The following FRAS1 variants were observed in gnomAD, a reference collection of about 807,000 sequenced individuals.
FRAS1 encodes the protein Fraser extracellular matrix complex subunit 1.
FRAS1 carries 290 observed loss-of-function variants against 435.2 expected under a neutral mutation model. The observed-to-expected ratio is 0.67, with a 90% confidence interval of 0.61 to 0.73. The LOEUF is 0.73. Ranked by LOEUF, FRAS1 falls within the 30% of genes least tolerant of loss-of-function variation. The probability of loss-of-function intolerance (pLI) is 0.00; values close to 1 mark genes in which losing one functional copy is unlikely to be tolerated. For missense variants in FRAS1, 4,860 were observed against 5,001.5 expected (o/e 0.97, Z 0.85); for synonymous variants, 1,800 against 1,851.0 (o/e 0.97, Z 0.71).
rs781740675 is a variant in FRAS1 at position 78,448,116 on chromosome 4, G to A, written c.6074G>A (p.Gly2025Asp). 3 of 1,613,420 alleles carry A rather than the reference G, an allele frequency of 1.9e-6. No individual in the cohort carries two copies. Among genetic ancestry groups the A allele is most frequent in the Admixed American group, 1.7e-5 (1 of 59,922 alleles). ...GAGAATGGGAGAGTTTTAGTCCAGG[G>A]CTCAACCTTCACCTACCAGGATATC... The part of the protein sequence containing the change: ...PLENGRVLVQ[G>D]STFTYQDILA... Residue 2025 changes from glycine to aspartate, a missense_variant, in exon 44 of 74, where the codon GGC becomes GAC. By Grantham distance (94) the Gly-to-Asp change is moderately conservative (BLOSUM62 -1). Coordinates refer to ENST00000512123, the MANE Select transcript of FRAS1 (RefSeq NM_025074.7).
chr4:78,367,961 T>C (rs991090493), intron 22 of FRAS1, among the ~76,000 whole-genome samples: 3 of 152,244 alleles, frequency 2.0e-5, no homozygotes, highest in African/African-American at 7.2e-5. Context: ...GATACTCTGC[T>C]GTGGACCTAT....
At chr4:78,367,878 A>T (rs1464510815) in intron 22 of FRAS1, among the ~76,000 whole-genome samples, 1 of 152,172 alleles carries the variant, frequency 6.6e-6, no homozygotes, top group Non-Finnish European at 1.5e-5. Context: ...TATTATTGAC[A>T]TGGTTTCTTT....
intron 2 of FRAS1, among the ~76,000 whole-genome samples, chr4:78,169,069 A>C (rs17003008): frequency 0.084 from 12,751 of 152,116 alleles, 677 homozygotes; most frequent in African/African-American, 0.13. Context: ...TTAAGACTCC[A>C]ACCAGCCGAA....
chr4:78,428,386 A>G (rs1046559765), intron 35 of FRAS1, among the ~76,000 whole-genome samples: 15 of 151,980 alleles, frequency 9.9e-5, no homozygotes, highest in South Asian at 2.1e-4. Flanking sequence ...GCAGTGGTGC[A>G]ATCTCGGCTC....
At chr4:78,072,406 C>T (rs761416630) in intron 2 of FRAS1, among the ~76,000 whole-genome samples, 91 of 152,162 alleles carry the variant, frequency 6.0e-4, no homozygotes, top group Admixed American at 1.5e-3. Flanking sequence ...TATTCATCAA[C>T]GTGCTCAAGA....
chr4:78,210,407 T>A (rs887962642), intron 2 of FRAS1, among the ~76,000 whole-genome samples: 12 of 152,236 alleles, frequency 7.9e-5, no homozygotes, highest in Non-Finnish European at 1.6e-4. Context: ...CCCAACAGAC[T>A]CTATCAGGCC....
chr4:78,090,593 G>A (rs1422938452), intron 2 of FRAS1, among the ~76,000 whole-genome samples: 1 of 152,056 alleles, frequency 6.6e-6, no homozygotes, highest in African/African-American at 2.4e-5. Context: ...TGCTGTTCCC[G>A]AGGCCCCCAA....
intron 3 of FRAS1, among the ~76,000 whole-genome samples, chr4:78,239,643 T>C (rs1315502421): frequency 1.3e-5 from 2 of 152,186 alleles, no homozygotes; most frequent in African/African-American, 2.4e-5. Context: ...AATATTCTAC[T>C]GTTTTCTCCC....
At chr4:78,200,803 A>G (rs996304924) in intron 2 of FRAS1, among the ~76,000 whole-genome samples, 6 of 149,158 alleles carry the variant, frequency 4.0e-5, no homozygotes, top group African/African-American at 7.5e-5. Context: ...CTGTACTTCA[A>G]GGGGAGATGC....
intron 54 of FRAS1, among the ~76,000 whole-genome samples, chr4:78,476,889 C>A (rs1003143333): frequency 1.3e-5 from 2 of 151,572 alleles, no homozygotes; most frequent in African/African-American, 4.8e-5. Context: ...CAGTTATCTC[C>A]GTTTACACAA....
intron 2 of FRAS1, among the ~76,000 whole-genome samples, chr4:78,200,916 T>C (rs1022057785): frequency 1.4e-5 from 2 of 147,968 alleles, no homozygotes; most frequent in African/African-American, 4.9e-5. Context: ...TATATATATA[T>C]ATGTTAAATA....
chr4:78,541,157 T>A lies in FRAS1; in HGVS notation c.*33T>A, dbSNP rs72659058. 283,534 of 1,212,520 alleles carry A rather than the reference T, an allele frequency of 0.23. 36,356 individuals are homozygous for A. Among genetic ancestry groups the A allele is most frequent in the Non-Finnish European group, 0.27 (247,504 of 932,548 alleles). The allele number at this position is 1,212,520 out of a possible 1,614,324, so 75.1% of individuals were successfully genotyped here. On this transcript the variant is annotated 3_prime_UTR_variant, in exon 74 of 74. Coordinates refer to ENST00000512123, the MANE Select transcript of FRAS1 (RefSeq NM_025074.7). ...GACCTATGTGTATTTTTTTCTAAAA[T>A]CATTTTTATAAAATGGGGGGAAATA...
chr4:78,407,287 TTC>T (rs745376232), intron 30 of FRAS1, among the ~76,000 whole-genome samples: 65 of 152,232 alleles, frequency 4.3e-4, no homozygotes, highest in Admixed American at 1.7e-3. Context: ...GGAAAACATT[TTC>T]TGTTACATAG....
intron 60 of FRAS1, among the ~76,000 whole-genome samples, chr4:78,497,782 T>G (rs1284547795): frequency 1.3e-5 from 2 of 152,180 alleles, no homozygotes; most frequent in African/African-American, 4.8e-5. Context: ...AGTATACTCT[T>G]AAGTGACTCT....
intron 16 of FRAS1, among the ~76,000 whole-genome samples, chr4:78,316,738 G>A (rs992573089): frequency 6.6e-6 from 1 of 152,176 alleles, no homozygotes; most frequent in African/African-American, 2.4e-5. Flanking sequence ...TACTGTAATT[G>A]TTACTTAAAA....
At chr4:78,152,794 C>T (rs62308025) in intron 2 of FRAS1, among the ~76,000 whole-genome samples, 1 of 151,838 alleles carries the variant, frequency 6.6e-6, no homozygotes, top group African/African-American at 2.4e-5. Flanking sequence ...ATAATTTGCT[C>T]CTTTGGTTGG....
chr4:78,502,118 T>C (rs1370618979), intron 61 of FRAS1, among the ~76,000 whole-genome samples: 2 of 152,220 alleles, frequency 1.3e-5, no homozygotes, highest in Non-Finnish European at 2.9e-5. Flanking sequence ...TTGGTTACTG[T>C]AGCCATGTAG....
intron 2 of FRAS1, among the ~76,000 whole-genome samples, chr4:78,207,618 T>C (rs1723317926): frequency 6.6e-6 from 1 of 152,196 alleles, no homozygotes; most frequent in African/African-American, 2.4e-5. Context: ...TATTATTATT[T>C]TATTTCACTT....
Position 78,137,684 on chromosome 4 carries a change from A to C in FRAS1, c.108+71668A>C, listed in dbSNP as rs909761090. ...TGTCTCTTCACTTACTCTGTGAAGG[A>C]GAGATGAATTTGAGCATCTGAATTT... is the stretch of plus-strand genomic sequence containing the variant. On this transcript the variant is annotated intron_variant, in intron 2 of 73. Transcript: ENST00000512123. Among the ~76,000 whole-genome samples the C allele has an allele frequency of 4.6e-5, 7 of 152,284 alleles. No individual in the cohort carries two copies. In the South Asian group the frequency reaches 1.5e-3, roughly 32 times the overall value.
Sources: gnomAD v4.1 joint callset for allele counts (sites outside exome capture counted in the v4.1 genomes callset) on GRCh38, gnomAD v4.1.1 for gene constraint, MANE v1.5 for transcripts, NCBI Gene and HGNC (gene_info 2026-07-23, HGNC 2026-07-21) for gene names.